Variants in MSR1 observed in about 807,000 individuals in gnomAD.
The protein encoded by MSR1 is macrophage scavenger receptor types I and II.
Under a neutral mutation model 47.2 loss-of-function variants are expected in MSR1, and 53 were observed. The ratio of observed to expected loss-of-function variants is 1.12; its 90% confidence interval spans 0.90 to 1.41. MSR1 has a LOEUF of 1.41. Ranked by LOEUF, MSR1 falls within the 40% of genes most tolerant of loss-of-function variation. The pLI is 0.00. For missense variants in MSR1, 786 were observed against 546.9 expected (o/e 1.44, Z -4.36); for synonymous variants, 239 against 185.6 (o/e 1.29, Z -2.34).
In MSR1 at chr8:16,168,733, T is replaced by C. The variant is rs966802243; in HGVS notation, c.355A>G (p.Ser119Gly). The C allele has an allele frequency of 6.2e-7, 1 of 1,614,058 alleles. No individual in the cohort carries two copies. Among genetic ancestry groups the C allele is most frequent in the Non-Finnish European group, 8.5e-7 (1 of 1,180,022 alleles). Residue 119 changes from serine (S) to glycine (G), a missense_variant, in exon 4 of 10, where the codon AGC becomes GGC. Physicochemically the swap from Ser to Gly is moderately conservative, Grantham distance 56. Transcript: ENST00000262101. ...TGCTGGATTCTCTTCTCCATGTTGC[T>C]CATGTGTTCCATAAAGACTTCTTGA... Reference protein sequence around the residue: ...RFQEVFMEHMSNMEKRIQHIL... With the variant: ...RFQEVFMEHMGNMEKRIQHIL...
intron 1 of MSR1, among the ~76,000 whole-genome samples, chr8:16,183,712 C>T (rs978950196): frequency 8.0e-5 from 11 of 137,552 alleles, no homozygotes; most frequent in African/African-American, 2.7e-4. Flanking sequence ...TATGTAATAC[C>T]ATATATATTT....
intron 1 of MSR1, among the ~76,000 whole-genome samples, chr8:16,187,359 G>A (rs1802032153): frequency 2.1e-5 from 1 of 48,038 alleles, no homozygotes; most frequent in Non-Finnish European, 3.4e-5. Context: ...ATAAAACTCT[G>A]TCTCCAAAAA....
At chr8:16,139,052 A>G (rs1800461227) in intron 8 of MSR1, among the ~76,000 whole-genome samples, 1 of 152,150 alleles carries the variant, frequency 6.6e-6, no homozygotes, top group African/African-American at 2.4e-5. Context: ...CACTCTGTTT[A>G]GTAGCTTCTT....
chr8:16,186,358 C>G, intron 1 of MSR1: 2 of 644,666 alleles, frequency 3.1e-6, no homozygotes, highest in Non-Finnish European at 5.2e-6. Context: ...TAAATATAAT[C>G]TAGAAGGCTG....
chr8:16,189,211 A>G (rs900645755), intron 1 of MSR1, among the ~76,000 whole-genome samples: 2 of 137,576 alleles, frequency 1.5e-5, no homozygotes, highest in African/African-American at 2.7e-5. Flanking sequence ...TTTTATATAT[A>G]TTTCATATAT....
chr8:16,127,666 T>C (rs1343898805), intron 8 of MSR1, among the ~76,000 whole-genome samples: 11 of 152,112 alleles, frequency 7.2e-5, no homozygotes. Flanking sequence ...AAGAGCTGAC[T>C]TCACAATGAA....
chr8:16,146,192 A>G (rs1800692215), intron 7 of MSR1, among the ~76,000 whole-genome samples: 1 of 151,894 alleles, frequency 6.6e-6, no homozygotes, highest in Admixed American at 6.6e-5. Flanking sequence ...GCTACTTTCA[A>G]ATGTGATCAT....
intron 1 of MSR1, 86 bp from the exon 2 acceptor site, chr8:16,178,078 T>C: frequency 9.5e-7 from 1 of 1,055,158 alleles, no homozygotes; most frequent in Non-Finnish European, 1.4e-6. Context: ...AAATTTCAGT[T>C]TGAAATGGAA....
chr8:16,113,174 T>C (rs1799801841), intron 9 of MSR1, among the ~76,000 whole-genome samples: 1 of 151,946 alleles, frequency 6.6e-6, no homozygotes, highest in Non-Finnish European at 1.5e-5. Context: ...GGTCTCGATC[T>C]CTTCACCTTG....
intron 7 of MSR1, among the ~76,000 whole-genome samples, chr8:16,145,021 A>T (rs1366017216): frequency 1.3e-5 from 2 of 152,092 alleles, no homozygotes; most frequent in African/African-American, 4.8e-5. Flanking sequence ...CATATATATA[A>T]TGTAACATAT....
rs1047165353 is a variant in MSR1 at position 16,108,370 on chromosome 8, T to C, written c.*1715A>G. ...ACTATTGACAACCCATAGGCACTGA[T>C]TTCAGACATCCCATGCATACCACTT... On this transcript the variant is annotated 3_prime_UTR_variant, in exon 10 of 10. Transcript: ENST00000262101. 2 of 151,730 alleles carry C rather than the reference T, an allele frequency of 1.3e-5. No individual in the cohort carries two copies. Among genetic ancestry groups the C allele is most frequent in the Admixed American group, 1.3e-4 (2 of 15,216 alleles). 9.4% of individuals were successfully genotyped at this position (151,730 alleles called of 1,614,324 possible).
chr8:16,116,141 A>T (rs1316712669), intron 9 of MSR1, among the ~76,000 whole-genome samples: 1 of 152,218 alleles, frequency 6.6e-6, no homozygotes, highest in African/African-American at 2.4e-5. Context: ...TGCTGCTAGC[A>T]GTGATCTCCT....
At chr8:16,165,611 A>G (rs918172226) in intron 4 of MSR1, among the ~76,000 whole-genome samples, 1 of 152,114 alleles carries the variant, frequency 6.6e-6, no homozygotes, top group Admixed American at 6.6e-5. Flanking sequence ...ATAGATACTC[A>G]TTTCCGATTT....
rs773114593 is a variant in MSR1 at position 16,172,096 on chromosome 8, T to G, written c.217+3091A>C. On this transcript the variant is annotated intron_variant, in intron 3 of 9. Transcript: ENST00000262101. ...TAGCATTGTGTGATAAAAATCTTTT[T>G]CTGGAGTTGGATGTTCATATGAACA... Among the ~76,000 whole-genome samples, 7 of 152,330 alleles carry G rather than the reference T, an allele frequency of 4.6e-5. No individual in the cohort carries two copies. The East Asian group carries it at 1.3e-3, about 29-fold the overall frequency.
chr8:16,131,451 T>G (rs1480338164), intron 8 of MSR1, among the ~76,000 whole-genome samples: 1 of 147,858 alleles, frequency 6.8e-6, no homozygotes, highest in South Asian at 2.1e-4. Flanking sequence ...GTTTTTTTTT[T>G]TTTTTTTTTT....
At chr8:16,142,950 G>C (rs960898128) in intron 8 of MSR1, among the ~76,000 whole-genome samples, 1 of 152,098 alleles carries the variant, frequency 6.6e-6, no homozygotes, top group Non-Finnish European at 1.5e-5. Flanking sequence ...TTGACTTACA[G>C]CATGGCAAAT....
chr8:16,129,499 A>G (rs114657834), intron 8 of MSR1, among the ~76,000 whole-genome samples: 6,657 of 152,140 alleles, frequency 0.044, 238 homozygotes, highest in East Asian at 0.12. Flanking sequence ...TAACCCCAGC[A>G]CTTTGGGAGG....
chr8:16,146,440 T>C lies in MSR1; in HGVS notation c.980-2829A>G, dbSNP rs539335998. ...CATCTCTTCCTCCTCCTCTGCATAG[T>C]GAGGCAGCTTGAGAGTTGAGTCTAC... On this transcript the variant is annotated intron_variant, in intron 7 of 9. Transcript: ENST00000262101. 3.3e-5 allele frequency among the ~76,000 whole-genome samples: 5 copies of C among 152,096 alleles called. No individual in the cohort carries two copies. In the South Asian group the frequency reaches 8.3e-4, roughly 25 times the overall value.
chr8:16,181,962 C>T (rs1347408018), intron 1 of MSR1, among the ~76,000 whole-genome samples: 2 of 152,102 alleles, frequency 1.3e-5, no homozygotes, highest in African/African-American at 2.4e-5. Context: ...GACAAAGATA[C>T]GTTCTGAGAA....
Sources: allele counts gnomAD v4.1 joint callset (sites outside exome capture counted in the v4.1 genomes callset), GRCh38; gene constraint gnomAD v4.1.1; transcripts MANE v1.5; gene names NCBI Gene and HGNC (gene_info 2026-07-23, HGNC 2026-07-21).